The following SLC2A14 variants were observed in gnomAD, a reference collection of about 807,000 sequenced individuals.
SLC2A14 encodes solute carrier family 2 member 14.
In SLC2A14, 13 loss-of-function variants were observed where a neutral mutation model predicts 43.0. That is an observed-to-expected ratio of 0.30 (90% CI 0.20 to 0.48). The LOEUF (loss-of-function observed/expected upper bound fraction) is 0.48, where lower values mean the gene tolerates loss of function less well. SLC2A14 is among the 20% of genes least tolerant of loss of function. SLC2A14 has a pLI of 0.99. For synonymous variants in SLC2A14, 190 were observed against 233.8 expected, an observed-to-expected ratio of 0.81 and a Z score of 1.71; for missense variants, 428 against 620.4, an observed-to-expected ratio of 0.69 and a Z score of 3.29.
chr12:7,880,235 G>C (rs1026271610), intron 1 of SLC2A14, among the ~76,000 whole-genome samples: 2 of 152,134 alleles, frequency 1.3e-5, no homozygotes. Flanking sequence ...TGGAGGCGGA[G>C]GTTGCAGTGA....
intron 10 of SLC2A14, among the ~76,000 whole-genome samples, chr12:7,815,924 G>C (rs1863407811): frequency 6.7e-6 from 1 of 150,262 alleles, no homozygotes; most frequent in African/African-American, 2.4e-5. Context: ...TTTTGAGATG[G>C]AGTTTTGCTC....
At chr12:7,822,601 A>G (rs932465378) in intron 7 of SLC2A14, among the ~76,000 whole-genome samples, 26 of 151,414 alleles carry the variant, frequency 1.7e-4, no homozygotes, top group Admixed American at 1.4e-3. Context: ...CCTGGGAGGC[A>G]GAGCTTGCAG....
At chr12:7,879,233 ATTATT>A (rs1259437908) in intron 1 of SLC2A14, among the ~76,000 whole-genome samples, 2 of 151,272 alleles carry the variant, frequency 1.3e-5, no homozygotes, top group African/African-American at 4.9e-5. Flanking sequence ...CATTATTATT[ATTATT>A]TTAACGTCTG....
chr12:7,873,885 A>C (rs1945360970), upstream of SLC2A14, among the ~76,000 whole-genome samples: 1 of 152,050 alleles, frequency 6.6e-6, no homozygotes. Flanking sequence ...GCCCAAGCAT[A>C]AGGCTTACCT....
intron 2 of SLC2A14, among the ~76,000 whole-genome samples, chr12:7,834,276 G>A (rs1026747505): frequency 8.7e-5 from 13 of 149,796 alleles, no homozygotes; most frequent in African/African-American, 2.7e-4. Flanking sequence ...GGATCTCACT[G>A]TATTGCCCAA....
At chr12:7,853,444 A>AC (rs1867103125) in intron 2 of SLC2A14, among the ~76,000 whole-genome samples, 1 of 150,316 alleles carries the variant, frequency 6.7e-6, no homozygotes, top group Admixed American at 6.7e-5. Context: ...AAAAAAAAAA[A>AC]AAAAAAAATT....
At chr12:7,882,485 A>G (rs1196051226) in intron 1 of SLC2A14, among the ~76,000 whole-genome samples, 2 of 151,902 alleles carry the variant, frequency 1.3e-5, no homozygotes, top group East Asian at 3.9e-4. Flanking sequence ...GCGCCCCTCC[A>G]CTCCAGCCTG....
In SLC2A14 at chr12:7,826,961, CTCTT is replaced by C. The variant is rs1389200660; in HGVS notation, c.864+530_864+533del. On this transcript the variant is annotated intron_variant, in intron 7 of 10. Transcript: ENST00000431042. The stretch of plus-strand genomic sequence containing the variant: ...CTTTCCTTTCTTTCCTTTCTTCTCT[CTCTT>C]TCTCTCTCTCTTTCTCTCCTTTCTC... 1.5e-4 allele frequency among the ~76,000 whole-genome samples: 17 copies of C among 113,004 alleles called. 1 individual carries two copies. Among genetic ancestry groups the C allele is most frequent in the South Asian group, 1.3e-3 (4 of 3,126 alleles). 74.1% of individuals were successfully genotyped at this position (113,004 alleles called of 152,430 possible).
chr12:7,853,627 G>T (rs1681892445), intron 2 of SLC2A14, among the ~76,000 whole-genome samples: 1 of 151,836 alleles, frequency 6.6e-6, no homozygotes, highest in Admixed American at 6.6e-5. Flanking sequence ...GAAAACAGAT[G>T]AATTATAAAA....
intron 7 of SLC2A14, among the ~76,000 whole-genome samples, chr12:7,824,318 A>G (rs554251540): frequency 6.6e-6 from 1 of 152,184 alleles, no homozygotes; most frequent in Non-Finnish European, 1.5e-5. Context: ...GGGGAAAGAT[A>G]TTAGGTTGGT....
chr12:7,874,811 C>T (rs1373712205), upstream of SLC2A14, among the ~76,000 whole-genome samples: 7 of 8,448 alleles, frequency 8.3e-4, no homozygotes, highest in East Asian at 1.8e-3. Context: ...TATATAAATA[C>T]GTATTTATAT....
At chr12:7,841,086 A>C (rs1865911069) in intron 2 of SLC2A14, among the ~76,000 whole-genome samples, 1 of 152,144 alleles carries the variant, frequency 6.6e-6, no homozygotes, top group African/African-American at 2.4e-5. Context: ...GGATGGAGAG[A>C]GACATATAAA....
intron 7 of SLC2A14, among the ~76,000 whole-genome samples, chr12:7,823,589 G>A (rs4883448): frequency 0.61 from 92,421 of 151,390 alleles, 28,412 homozygotes; most frequent in African/African-American, 0.69. Context: ...GCATGGTGGC[G>A]CATGCCTGTA....
At chr12:7,817,225 C>G (rs1322664051) in intron 10 of SLC2A14, among the ~76,000 whole-genome samples, 1 of 152,046 alleles carries the variant, frequency 6.6e-6, no homozygotes, top group Non-Finnish European at 1.5e-5. Flanking sequence ...AAGCGATTCT[C>G]CTGCCTCAGC....
intron 2 of SLC2A14, chr12:7,850,933 T>C (rs964609739): frequency 1.3e-5 from 2 of 152,188 alleles, no homozygotes; most frequent in African/African-American, 4.8e-5. Context: ...AGTTAAAATG[T>C]TTTTTCTTGG....
upstream of SLC2A14, chr12:7,872,998 G>A: frequency 5.1e-6 from 5 of 985,536 alleles, no homozygotes; most frequent in Non-Finnish European, 4.8e-6. Flanking sequence ...GGAGCCCTCC[G>A]TAAGCAAGAC....
chr12:7,886,208 C>CTGGAG (rs917233065), intron 1 of SLC2A14, among the ~76,000 whole-genome samples: 1 of 130,866 alleles, frequency 7.6e-6, no homozygotes, highest in Non-Finnish European at 1.6e-5. Context: ...GTCCCTGAGG[C>CTGGAG]TGGAGTGCAG....
At chr12:7,826,657 G>C (rs1283611579) in intron 7 of SLC2A14, among the ~76,000 whole-genome samples, 3 of 152,140 alleles carry the variant, frequency 2.0e-5, no homozygotes, top group African/African-American at 7.2e-5. Context: ...ATAGCAGGAA[G>C]CTGATATTTG....
intron 2 of SLC2A14, among the ~76,000 whole-genome samples, chr12:7,855,572 G>A (rs2120956656): frequency 6.6e-6 from 1 of 152,210 alleles, no homozygotes; most frequent in East Asian, 1.9e-4. Context: ...CCAGTGTGAT[G>A]CCACCCTTAC....
Sources: gnomAD v4.1 joint callset for allele counts (sites outside exome capture counted in the v4.1 genomes callset) on GRCh38, gnomAD v4.1.1 for gene constraint, MANE v1.5 for transcripts, NCBI Gene and HGNC (gene_info 2026-07-23, HGNC 2026-07-21) for gene names.